Variants in OPCML observed in about 807,000 individuals in gnomAD.
OPCML encodes opioid-binding protein/cell adhesion molecule.
In OPCML, 13 loss-of-function variants were observed where a neutral mutation model predicts 37.8. The ratio of observed to expected loss-of-function variants is 0.34; its 90% CI spans 0.22 to 0.55. The LOEUF (loss-of-function observed/expected upper bound fraction) is 0.55, where lower values mean the gene tolerates loss of function less well. Ranked by LOEUF, OPCML falls within the 20% of genes least tolerant of loss-of-function variation. The pLI is 0.91. For missense variants in OPCML, 341 were observed against 435.6 expected, an observed-to-expected ratio of 0.78 and a Z score of 1.93; for synonymous variants, 176 against 168.8, an observed-to-expected ratio of 1.04 and a Z score of -0.33.
chr11:132,454,345 T>G (rs2508967), intron 4 of OPCML, among the ~76,000 whole-genome samples: 118,375 of 152,158 alleles, frequency 0.78, 47,214 homozygotes, highest in East Asian at 0.97. Flanking sequence ...TCCTGGGAGA[T>G]AACTAATCTG....
chr11:133,062,835 C>T (rs971100146), intron 1 of OPCML, among the ~76,000 whole-genome samples: 8 of 152,374 alleles, frequency 5.3e-5, no homozygotes, highest in Admixed American at 1.3e-4. Context: ...CTCTGCCTTG[C>T]CAAGCTGTAC....
At chr11:133,436,140 T>A (rs1289146144) in intron 1 of OPCML, among the ~76,000 whole-genome samples, 3 of 150,830 alleles carry the variant, frequency 2.0e-5, no homozygotes, top group East Asian at 1.9e-4. Flanking sequence ...TTCTCAAATT[T>A]AAAAAAAAAT....
intron 1 of OPCML, among the ~76,000 whole-genome samples, chr11:133,118,685 G>A (rs886629294): frequency 1.3e-5 from 2 of 151,460 alleles, no homozygotes; most frequent in African/African-American, 4.9e-5. Context: ...GTTCACTCCC[G>A]CTCAGTAGCA....
chr11:133,118,401 G>A lies in OPCML; in HGVS notation c.62-175391C>T, dbSNP rs113803432. 9,292 of 985,300 alleles carry A rather than the reference G, an allele frequency of 9.4e-3. 65 individuals carry two copies. The highest frequency in any genetic ancestry group is 0.01 in the Non-Finnish European group (8,509 of 829,902). The allele number at this position is 985,300 out of a possible 1,614,324, so 61.0% of individuals were successfully genotyped here. A position where few individuals can be genotyped will look rare whatever the true frequency, so the allele number is the denominator to read the frequency against. ...AAACTGGAGTCTTTCTCTGTGTCAGGGCTGGCCTTCCTTTCATGGAGTTTA... is the reference window on the plus strand; with the variant it reads ...AAACTGGAGTCTTTCTCTGTGTCAGAGCTGGCCTTCCTTTCATGGAGTTTA... On this transcript the variant is annotated intron_variant, in intron 1 of 7. Coordinates refer to ENST00000524381, the MANE Select transcript of OPCML (RefSeq NM_001012393.5).
chr11:132,906,195 G>A (rs551241165), intron 2 of OPCML, among the ~76,000 whole-genome samples: 11 of 152,278 alleles, frequency 7.2e-5, no homozygotes, highest in African/African-American at 2.4e-4. Flanking sequence ...ATGACTCATC[G>A]TAGAAATGCA....
intron 1 of OPCML, among the ~76,000 whole-genome samples, chr11:133,155,155 G>A (rs1436004195): frequency 6.6e-6 from 1 of 152,108 alleles, no homozygotes; most frequent in Non-Finnish European, 1.5e-5. Flanking sequence ...CCAACAGTCT[G>A]TGAGAGGAGG....
At chr11:133,499,292 T>A (rs1322199667) in intron 1 of OPCML, among the ~76,000 whole-genome samples, 1 of 152,130 alleles carries the variant, frequency 6.6e-6, no homozygotes, top group Non-Finnish European at 1.5e-5. Flanking sequence ...GAAAGCAAGT[T>A]TCCTTACACA....
chr11:133,022,486 T>G (rs1308718649), intron 1 of OPCML, among the ~76,000 whole-genome samples: 1 of 146,646 alleles, frequency 6.8e-6, no homozygotes, highest in Non-Finnish European at 1.5e-5. Context: ...CAATAGGTGT[T>G]TTTTTTTTTT....
chr11:132,555,946 A>AT (rs151146912), intron 3 of OPCML, among the ~76,000 whole-genome samples: 63 of 149,944 alleles, frequency 4.2e-4, no homozygotes, highest in South Asian at 1.5e-3. Context: ...AAAATTTTGG[A>AT]TTTTTTTTTT....
chr11:132,912,945 G>C (rs1208016234), intron 2 of OPCML, among the ~76,000 whole-genome samples: 2 of 152,204 alleles, frequency 1.3e-5, no homozygotes, highest in Non-Finnish European at 2.9e-5. Context: ...GGGACTATTT[G>C]ATGCTTTCGT....
intron 1 of OPCML, among the ~76,000 whole-genome samples, chr11:133,315,100 T>C (rs1943173216): frequency 6.6e-6 from 1 of 152,190 alleles, no homozygotes; most frequent in South Asian, 2.1e-4. Context: ...TTGAATTAGA[T>C]GCATGTCTCT....
At chr11:132,744,927 G>A (rs878865757) in intron 2 of OPCML, among the ~76,000 whole-genome samples, 2 of 152,042 alleles carry the variant, frequency 1.3e-5, no homozygotes, top group African/African-American at 2.4e-5. Flanking sequence ...TTCGGGATAT[G>A]GCAGAGCAGG....
chr11:133,340,033 T>C (rs1253795907), intron 1 of OPCML, among the ~76,000 whole-genome samples: 1 of 152,234 alleles, frequency 6.6e-6, no homozygotes, highest in Non-Finnish European at 1.5e-5. Flanking sequence ...GAATCTTTGG[T>C]GCCCCATTTG....
chr11:132,905,225 C>CTTT (rs373679886), intron 2 of OPCML, among the ~76,000 whole-genome samples: 84 of 88,352 alleles, frequency 9.5e-4, no homozygotes, highest in South Asian at 1.7e-3. Context: ...GAAAGCAGTT[C>CTTT]TTTTTTTTTT....
chr11:132,561,098 A>C (rs2096409730), intron 3 of OPCML, among the ~76,000 whole-genome samples: 1 of 152,146 alleles, frequency 6.6e-6, no homozygotes, highest in Admixed American at 6.6e-5. Context: ...GACTTCTCCT[A>C]ACTTAATACC....
chr11:132,499,908 G>A (rs2096241987), intron 4 of OPCML, among the ~76,000 whole-genome samples: 1 of 152,164 alleles, frequency 6.6e-6, no homozygotes, highest in Admixed American at 6.5e-5. Context: ...CTAGTTCCTG[G>A]CTCTTAGGCA....
At chr11:133,071,178 T>C (rs1948526474) in intron 1 of OPCML, among the ~76,000 whole-genome samples, 1 of 152,254 alleles carries the variant, frequency 6.6e-6, no homozygotes, top group Non-Finnish European at 1.5e-5. Context: ...TCAAAGATGA[T>C]GGCTTTGCCC....
At chr11:133,321,826 T>C (rs1943336989) in intron 1 of OPCML, among the ~76,000 whole-genome samples, 1 of 152,110 alleles carries the variant, frequency 6.6e-6, no homozygotes. Flanking sequence ...GTGGCTGCCA[T>C]GGAAAATACC....
rs114254656 is a variant in OPCML, at chr11:133,076,549, A to G, written c.62-133539T>C. 4.2e-3 allele frequency among the ~76,000 whole-genome samples: 644 copies of G among 152,308 alleles called. 6 individuals carry two copies. Among genetic ancestry groups the G allele is most frequent in the African/African-American group, 0.015 (629 of 41,560 alleles). ...CAGAATTGGCTGTGAACGTCATGCA[A>G]ACGCAAGCGGCGGTCCAGACTTGAT... is the stretch of plus-strand genomic sequence containing the variant. On this transcript the variant is annotated intron_variant, in intron 1 of 7. Transcript: ENST00000524381.
Sources: gnomAD v4.1 joint callset for allele counts (sites outside exome capture counted in the v4.1 genomes callset) on GRCh38, gnomAD v4.1.1 for gene constraint, MANE v1.5 for transcripts, NCBI Gene and HGNC (gene_info 2026-07-23, HGNC 2026-07-21) for gene names.